CHD1L: variants seen among roughly 807,000 people sequenced by gnomAD.
CHD1L encodes the protein chromodomain helicase DNA binding protein 1 like, also known as ATP-dependent chromatin remodeler CHD1L.
A neutral mutation model predicts 115.9 loss-of-function variants in CHD1L; 118 were observed. The ratio of observed to expected loss-of-function variants is 1.02; its 90% CI spans 0.88 to 1.19. The LOEUF is 1.19. Among genes scored for constraint, CHD1L ranks in the 50% most tolerant of loss-of-function variants. CHD1L has a pLI of 0.00. For missense variants in CHD1L, 1,179 were observed against 1,065.3 expected (o/e 1.11, Z -1.49); for synonymous variants, 411 against 387.1 (o/e 1.06, Z -0.72).
At chr1:147,258,553 C>G (rs1195675699) in intron 5 of CHD1L, among the ~76,000 whole-genome samples, 3 of 152,202 alleles carry the variant, frequency 2.0e-5, no homozygotes, top group Non-Finnish European at 4.4e-5. Context: ...TCTGCTCATG[C>G]CACCCAACCT....
In CHD1L at chr1:147,278,491, G is replaced by A. The variant is rs1381575648; in HGVS notation, c.1540-1535G>A. Among the ~76,000 whole-genome samples, 4 of 150,482 alleles carry A rather than the reference G, an allele frequency of 2.7e-5. No individual in the cohort carries two copies. The East Asian group carries it at 5.9e-4, about 22-fold the overall frequency. Reference sequence around the variant, plus strand: ...GTCCACCTCGGCCTCCTAAAGTGCTGGGATTACAGGCATGAGCCACTGCGC... The same window carrying A: ...GTCCACCTCGGCCTCCTAAAGTGCTAGGATTACAGGCATGAGCCACTGCGC... On this transcript the variant is annotated intron_variant, in intron 14 of 22. Coordinates refer to ENST00000369258, the MANE Select transcript of CHD1L (RefSeq NM_004284.6).
the CHD1L span, among the ~76,000 whole-genome samples, chr1:147,195,295 A>T: frequency 6.6e-6 from 1 of 151,016 alleles, no homozygotes; most frequent in African/African-American, 2.4e-5. Flanking sequence ...AACCCAAATA[A>T]TTTTTTTTTG....
Position 147,276,097 on chromosome 1 carries a change from T to C in CHD1L, c.1386-7T>C, listed in dbSNP as rs781961075. The C allele has an allele frequency of 5.6e-6, 9 of 1,613,904 alleles. No homozygotes were observed. Among genetic ancestry groups the C allele is most frequent in the Non-Finnish European group, 7.6e-6 (9 of 1,179,860 alleles). ...TAGCACACTACCCTTGTTTGACTTA[T>C]GTCCAGGTCTGTTAAAGTTATTCGG... On this transcript the variant is annotated splice_region_variant and splice_polypyrimidine_tract_variant and intron_variant, in intron 13 of 22. Transcript: ENST00000369258.
intron 14 of CHD1L, among the ~76,000 whole-genome samples, chr1:147,278,097 G>A (rs1347983012): frequency 2.0e-5 from 3 of 151,996 alleles, no homozygotes; most frequent in South Asian, 4.1e-4. Flanking sequence ...TGACTCTAAT[G>A]TCTGATTTAT....
chr1:147,235,366 T>A, the CHD1L span, among the ~76,000 whole-genome samples: 2 of 152,210 alleles, frequency 1.3e-5, no homozygotes, highest in Admixed American at 1.3e-4. Flanking sequence ...AATTTGTATT[T>A]AGTTTCTTGT....
chr1:147,261,911 A>G (rs1472600109), intron 6 of CHD1L, among the ~76,000 whole-genome samples: 5 of 152,166 alleles, frequency 3.3e-5, no homozygotes, highest in Admixed American at 3.3e-4. Context: ...GTTGGACGCA[A>G]CCAGCCGGGC....
intron 9 of CHD1L, 80 bp downstream of exon 9, chr1:147,267,598 AT>A: frequency 9.5e-7 from 1 of 1,048,094 alleles, no homozygotes; most frequent in African/African-American, 1.6e-5. Flanking sequence ...CTTCAAAATA[AT>A]TGCATATACT....
At chr1:147,185,174 GAT>G in the CHD1L span, among the ~76,000 whole-genome samples, 1 of 136,708 alleles carries the variant, frequency 7.3e-6, no homozygotes, top group African/African-American at 2.9e-5. Context: ...ATTAACCATT[GAT>G]TTTTTTTTGT....
At chr1:147,260,683 A>C (rs1671627119) in intron 6 of CHD1L, 1 of 152,304 alleles carries the variant, frequency 6.6e-6, no homozygotes, top group Non-Finnish European at 1.5e-5. Context: ...AAAATTTGAT[A>C]GTTCACCTGG....
At chr1:147,197,480 T>C in the CHD1L span, among the ~76,000 whole-genome samples, 1 of 152,134 alleles carries the variant, frequency 6.6e-6, no homozygotes, top group Non-Finnish European at 1.5e-5. Context: ...AATCCCCATG[T>C]GTCATGGGAG....
chr1:147,266,946 T>C (rs1159380267), intron 8 of CHD1L, among the ~76,000 whole-genome samples: 2 of 152,178 alleles, frequency 1.3e-5, no homozygotes, highest in East Asian at 1.9e-4. Context: ...AGAATACATA[T>C]AGGGTTTGGT....
chr1:147,215,260 A>G, the CHD1L span: 1 of 152,304 alleles, frequency 6.6e-6, no homozygotes, highest in African/African-American at 2.4e-5. Flanking sequence ...TCAGGTTTTT[A>G]TTCTGCAATT....
At chr1:147,181,225 T>C in the CHD1L span, among the ~76,000 whole-genome samples, 2 of 152,182 alleles carry the variant, frequency 1.3e-5, no homozygotes, top group Admixed American at 6.5e-5. Flanking sequence ...GTTTGGCCCA[T>C]GGGTGGGATT....
chr1:147,294,419 T>C lies in CHD1L; in HGVS notation c.2517T>C (p.His839=). ...TTCTCTTCATAATAGCAAGTGTTCATCTTCCACGTATTGGACATGCCACGA... is the reference window on the plus strand; with the variant it reads ...TTCTCTTCATAATAGCAAGTGTTCACCTTCCACGTATTGGACATGCCACGA... ...LAAKKKKASV[H]LPRIGHATKG... is the part of the protein sequence containing the mutation. Residue 839 remains histidine, a synonymous_variant, in exon 22 of 23, where the codon CAT becomes CAC. Coordinates refer to ENST00000369258, the MANE Select transcript of CHD1L (RefSeq NM_004284.6). The C allele has an allele frequency of 6.2e-7, 1 of 1,610,950 alleles. No individual in the cohort carries two copies.
In CHD1L at chr1:147,264,438, G is replaced by T; in HGVS notation, c.593G>T (p.Ser198Ile). 6.2e-7 allele frequency: 1 copy of T among 1,610,258 alleles called. No individual in the cohort carries two copies. The highest frequency in any genetic ancestry group is 8.5e-7 in the Non-Finnish European group (1 of 1,178,138). ...KTLSEFSVVF[S>I]LLLTGTPIQN... ...GTATTTGAGTTCTCAGTAGTCTTCA[G>T]TCTCCTGTTGACCGGAACTCCCATC... Residue 198 changes from serine to isoleucine, a missense_variant, in exon 7 of 23, where the codon AGT becomes ATT. Ser to Ile is a moderately radical substitution (Grantham distance 142, BLOSUM62 -2). Coordinates refer to ENST00000369258, the MANE Select transcript of CHD1L (RefSeq NM_004284.6).
At chr1:147,193,919 A>T in the CHD1L span, among the ~76,000 whole-genome samples, 1 of 152,076 alleles carries the variant, frequency 6.6e-6, no homozygotes. Flanking sequence ...GGAGTGCTTT[A>T]CTTCCAACTA....
At chr1:147,196,225 C>A in the CHD1L span, among the ~76,000 whole-genome samples, 1 of 152,144 alleles carries the variant, frequency 6.6e-6, no homozygotes, top group African/African-American at 2.4e-5. Flanking sequence ...AAGTTCATCA[C>A]TCTCAAATAG....
At chr1:147,272,340 A>G in intron 12 of CHD1L, 59 bp downstream of exon 12, 1 of 1,156,116 alleles carries the variant, frequency 8.6e-7, no homozygotes, top group East Asian at 2.3e-5. Context: ...GTACTATTAC[A>G]TCCCAACGGT....
Position 147,255,878 on chromosome 1 carries a change from A to G in CHD1L, c.413A>G (p.Gln138Arg). ...AAGGAGGAAAGAGCCTGCCTTCAGC[A>G]AGACCTGAAACAGGAGTCACGTTTT... is the stretch of plus-strand genomic sequence containing the variant. ...GDKEERACLQ[Q>R]DLKQESRFHV... is the part of the protein sequence containing the mutation. Residue 138 changes from glutamine to arginine, a missense_variant, in exon 4 of 23, where the codon CAA becomes CGA. Gln to Arg is a conservative substitution (Grantham distance 43). Transcript: ENST00000369258. 6.2e-7 allele frequency: 1 copy of G among 1,613,964 alleles called. No homozygotes were observed. The highest frequency in any genetic ancestry group is 8.5e-7 in the Non-Finnish European group (1 of 1,179,874).
Sources: allele counts gnomAD v4.1 joint callset (sites outside exome capture counted in the v4.1 genomes callset), GRCh38; gene constraint gnomAD v4.1.1; transcripts MANE v1.5; gene names NCBI Gene and HGNC (gene_info 2026-07-23, HGNC 2026-07-21).